The following LYPLAL1 variants were observed in gnomAD, a reference collection of about 807,000 sequenced individuals.
The protein encoded by LYPLAL1 is lysophospholipase like 1.
In LYPLAL1, 23 loss-of-function variants were observed where a neutral mutation model predicts 19.7. That is an observed-to-expected ratio of 1.17 (90% CI 0.84 to 1.65). The LOEUF (loss-of-function observed/expected upper bound fraction) is 1.65. LYPLAL1 is among the 40% of genes most tolerant of loss of function. LYPLAL1 has a pLI of 0.00. For synonymous variants in LYPLAL1, 119 were observed against 96.3 expected, an observed-to-expected ratio of 1.24 and a Z score of -1.38; for missense variants, 355 against 279.4, an observed-to-expected ratio of 1.27 and a Z score of -1.93.
the LYPLAL1 span, among the ~76,000 whole-genome samples, chr1:219,321,851 A>G: frequency 6.6e-6 from 1 of 152,192 alleles, no homozygotes; most frequent in Non-Finnish European, 1.5e-5. Flanking sequence ...ACAGAACGGC[A>G]CACCCTTTTT....
chr1:219,284,513 C>T, the LYPLAL1 span, among the ~76,000 whole-genome samples: 3 of 152,080 alleles, frequency 2.0e-5, no homozygotes, highest in East Asian at 3.9e-4. Context: ...TACTATGTAC[C>T]TACAAAAAGT....
the LYPLAL1 span, among the ~76,000 whole-genome samples, chr1:219,291,072 C>G: frequency 6.6e-6 from 1 of 152,072 alleles, no homozygotes; most frequent in African/African-American, 2.4e-5. Flanking sequence ...GATTGTTAAC[C>G]AACGCTTGAG....
chr1:219,370,686 G>A, the LYPLAL1 span, among the ~76,000 whole-genome samples: 1 of 152,294 alleles, frequency 6.6e-6, no homozygotes, highest in Non-Finnish European at 1.5e-5. Flanking sequence ...ACACTTTTGA[G>A]AACATGAACA....
chr1:219,413,247 T>A, the LYPLAL1 span, among the ~76,000 whole-genome samples: 1 of 152,220 alleles, frequency 6.6e-6, no homozygotes, highest in Non-Finnish European at 1.5e-5. Context: ...TTATATCATC[T>A]TCTTTCTTGA....
At chr1:219,297,135 G>A in the LYPLAL1 span, among the ~76,000 whole-genome samples, 7 of 152,070 alleles carry the variant, frequency 4.6e-5, no homozygotes, top group Admixed American at 2.6e-4. Flanking sequence ...TTTCAGTTGC[G>A]ACCTTAGGAA....
At chr1:219,293,181 A>C in the LYPLAL1 span, among the ~76,000 whole-genome samples, 2 of 152,210 alleles carry the variant, frequency 1.3e-5, no homozygotes, top group African/African-American at 2.4e-5. Context: ...GCACTTCCTT[A>C]GCAGATGAGC....
the LYPLAL1 span, among the ~76,000 whole-genome samples, chr1:219,427,685 A>G: frequency 1.3e-5 from 2 of 152,142 alleles, no homozygotes; most frequent in Non-Finnish European, 2.9e-5. Flanking sequence ...CTTTTCCATG[A>G]TTGTTTCTCC....
the LYPLAL1 span, among the ~76,000 whole-genome samples, chr1:219,292,133 C>T: frequency 6.6e-6 from 1 of 152,132 alleles, no homozygotes; most frequent in African/African-American, 2.4e-5. Flanking sequence ...CTTGTCTCTC[C>T]CGACACCACC....
intron 3 of LYPLAL1, among the ~76,000 whole-genome samples, chr1:219,199,027 TTTAA>T (rs1558236300): frequency 6.6e-6 from 1 of 152,202 alleles, no homozygotes; most frequent in African/African-American, 2.4e-5. Flanking sequence ...TGAATGATGA[TTTAA>T]TTAAGCAGTT....
the LYPLAL1 span, among the ~76,000 whole-genome samples, chr1:219,430,287 CAA>C: frequency 2.3e-4 from 16 of 69,786 alleles, no homozygotes; most frequent in South Asian, 7.2e-4. Context: ...GATCCTAGCT[CAA>C]AAAAAAAAAA....
At chr1:219,280,552 T>C in the LYPLAL1 span, among the ~76,000 whole-genome samples, 1 of 152,186 alleles carries the variant, frequency 6.6e-6, no homozygotes, top group African/African-American at 2.4e-5. Context: ...ATTAACAATT[T>C]GCTTATTAAT....
At chr1:219,286,820 A>G in the LYPLAL1 span, among the ~76,000 whole-genome samples, 1 of 151,654 alleles carries the variant, frequency 6.6e-6, no homozygotes, top group Non-Finnish European at 1.5e-5. Flanking sequence ...GACAGTTGCA[A>G]CTCATGATCT....
chr1:219,429,514 C>T, the LYPLAL1 span, among the ~76,000 whole-genome samples: 1 of 151,922 alleles, frequency 6.6e-6, no homozygotes, highest in Non-Finnish European at 1.5e-5. Context: ...AAAAATTAGC[C>T]ACCCATGGTG....
At chr1:219,423,044 C>G in the LYPLAL1 span, among the ~76,000 whole-genome samples, 4 of 152,134 alleles carry the variant, frequency 2.6e-5, no homozygotes, top group Non-Finnish European at 5.9e-5. Context: ...CCTGACCATA[C>G]TTTGAGAAAC....
chr1:219,194,893 A>G (rs1368424280), intron 3 of LYPLAL1, among the ~76,000 whole-genome samples: 1 of 152,086 alleles, frequency 6.6e-6, no homozygotes. Flanking sequence ...AGAAGTGGAC[A>G]GAGTAATGCT....
At chr1:219,263,570 G>A in the LYPLAL1 span, among the ~76,000 whole-genome samples, 1 of 152,166 alleles carries the variant, frequency 6.6e-6, no homozygotes, top group South Asian at 2.1e-4. Flanking sequence ...AAATTATTAC[G>A]AAGTTCAGTG....
chr1:219,275,296 A>G, the LYPLAL1 span, among the ~76,000 whole-genome samples: 2 of 152,168 alleles, frequency 1.3e-5, no homozygotes, highest in Admixed American at 1.3e-4. Flanking sequence ...GTACCGCCTA[A>G]TAATTATCAG....
the LYPLAL1 span, among the ~76,000 whole-genome samples, chr1:219,359,292 G>A: frequency 1.3e-4 from 20 of 152,282 alleles, no homozygotes; most frequent in East Asian, 3.9e-3. Flanking sequence ...GATCACTTCA[G>A]TGTTCAACTC....
chr1:219,430,576 G>A, the LYPLAL1 span, among the ~76,000 whole-genome samples: 209 of 152,284 alleles, frequency 1.4e-3, 1 homozygote, highest in African/African-American at 4.7e-3. Flanking sequence ...TAGGTAGTGC[G>A]AACACAAATC....
Sources: allele counts gnomAD v4.1 joint callset (sites outside exome capture counted in the v4.1 genomes callset), GRCh38; gene constraint gnomAD v4.1.1; transcripts MANE v1.5; gene names NCBI Gene and HGNC (gene_info 2026-07-23, HGNC 2026-07-21).